Variants in KCNH8 observed in about 807,000 individuals in gnomAD.
KCNH8 encodes potassium voltage-gated channel subfamily H member 8, also known as voltage-gated delayed rectifier potassium channel KCNH8.
In KCNH8, 70 loss-of-function variants were observed where a neutral mutation model predicts 103.6. That is an observed-to-expected ratio of 0.68 (90% CI 0.56 to 0.82). The LOEUF is 0.82. Among genes scored for constraint, KCNH8 ranks in the 40% least tolerant of loss-of-function variants. The probability of loss-of-function intolerance (pLI) is 0.00; values close to 1 mark genes in which losing one functional copy is unlikely to be tolerated. For missense variants in KCNH8, 1,217 were observed against 1,329.9 expected (o/e 0.92, Z 1.32); for synonymous variants, 498 against 489.4 (o/e 1.02, Z -0.23).
chr3:19,485,124 G>GT (rs1167247857), intron 11 of KCNH8, among the ~76,000 whole-genome samples: 1 of 152,122 alleles, frequency 6.6e-6, no homozygotes, highest in Non-Finnish European at 1.5e-5. Flanking sequence ...TGCCTTTGCT[G>GT]TTTTCTGTAC....
chr3:19,406,269 C>T (rs981730443), intron 7 of KCNH8, among the ~76,000 whole-genome samples: 5 of 152,074 alleles, frequency 3.3e-5, no homozygotes, highest in African/African-American at 4.8e-5. Flanking sequence ...AAATCCCTCT[C>T]ATTTAATCCA....
intron 1 of KCNH8, among the ~76,000 whole-genome samples, chr3:19,219,432 T>C (rs916604369): frequency 1.3e-5 from 2 of 152,184 alleles, no homozygotes; most frequent in African/African-American, 4.8e-5. Context: ...TGTCTTTTTT[T>C]ATTCTGTTGT....
intron 2 of KCNH8, among the ~76,000 whole-genome samples, chr3:19,264,094 A>G (rs577605086): frequency 1.3e-5 from 2 of 152,162 alleles, no homozygotes; most frequent in East Asian, 1.9e-4. Flanking sequence ...TTGGCAAAAG[A>G]TTTTATGAAG....
At chr3:19,332,169 A>C (rs2065519659) in intron 3 of KCNH8, among the ~76,000 whole-genome samples, 1 of 152,026 alleles carries the variant, frequency 6.6e-6, no homozygotes, top group South Asian at 2.1e-4. Context: ...CCAGCCCAGC[A>C]ATAAACATTG....
intron 11 of KCNH8, among the ~76,000 whole-genome samples, chr3:19,499,481 A>G (rs968591609): frequency 1.2e-4 from 19 of 152,166 alleles, no homozygotes; most frequent in African/African-American, 3.9e-4. Context: ...TCCAAGACAC[A>G]TAATTGTCAG....
chr3:19,496,201 T>C (rs1472017245), intron 11 of KCNH8, among the ~76,000 whole-genome samples: 2 of 152,004 alleles, frequency 1.3e-5, no homozygotes, highest in African/African-American at 4.8e-5. Flanking sequence ...TCTCTTGCCT[T>C]AGTACCCTGG....
At position 19,488,147 on chromosome 3, in the gene KCNH8, G is replaced by C. The variant is rs376895364; in HGVS notation, c.2041-22216G>C. Among the ~76,000 whole-genome samples the C allele has an allele frequency of 2.4e-4, 36 of 152,088 alleles. 1 individual carries two copies. The highest frequency in any genetic ancestry group is 1.3e-3 in the East Asian group (7 of 5,186). Reference sequence around the variant, plus strand: ...ATCTTTATCTAAGGTCTTTTGTTCTGAATCACCTTGTTTTTCCTTCAGTTG... The same window carrying C: ...ATCTTTATCTAAGGTCTTTTGTTCTCAATCACCTTGTTTTTCCTTCAGTTG... On this transcript the variant is annotated intron_variant, in intron 11 of 15. Coordinates refer to ENST00000328405, the MANE Select transcript of KCNH8 (RefSeq NM_144633.3).
At chr3:19,363,122 T>G (rs1005396984) in intron 5 of KCNH8, among the ~76,000 whole-genome samples, 1 of 152,090 alleles carries the variant, frequency 6.6e-6, no homozygotes, top group Non-Finnish European at 1.5e-5. Context: ...AGCGGAGGCT[T>G]TTTCAGGTAC....
chr3:19,352,378 C>T (rs531827461), intron 5 of KCNH8, among the ~76,000 whole-genome samples: 21 of 152,160 alleles, frequency 1.4e-4, no homozygotes, highest in Admixed American at 5.9e-4. Flanking sequence ...CTGCACCAAG[C>T]GGACCTAATA....
chr3:19,299,529 T>G (rs1050556282), intron 3 of KCNH8, among the ~76,000 whole-genome samples: 1 of 152,228 alleles, frequency 6.6e-6, no homozygotes, highest in Non-Finnish European at 1.5e-5. Context: ...CAAGGAAATA[T>G]AATTTTCATT....
At chr3:19,246,533 C>T (rs1258316455) in intron 1 of KCNH8, among the ~76,000 whole-genome samples, 1 of 151,876 alleles carries the variant, frequency 6.6e-6, no homozygotes, top group Non-Finnish European at 1.5e-5. Context: ...ACTCGGCCTC[C>T]CAAAGTGCTG....
intron 5 of KCNH8, among the ~76,000 whole-genome samples, chr3:19,383,263 G>T (rs1010045342): frequency 3.3e-5 from 5 of 152,220 alleles, no homozygotes; most frequent in South Asian, 4.1e-4. Context: ...AATTATAAGA[G>T]ATATTATTTA....
At position 19,341,988 on chromosome 3, in the gene KCNH8, G is replaced by C. The variant is rs534656669; in HGVS notation, c.443-599G>C. On this transcript the variant is annotated intron_variant, in intron 3 of 15. Transcript: ENST00000328405. ...TTGCAGGATTGGCCACACAGATTTT[G>C]ACAAAAAATCTTAGATAAATCTGAA... 2.2e-3 allele frequency among the ~76,000 whole-genome samples: 327 copies of C among 152,042 alleles called. 3 individuals carry two copies. Among genetic ancestry groups the C allele is most frequent in the African/African-American group, 7.4e-3 (306 of 41,482 alleles).
chr3:19,168,319 G>A lies in KCNH8; in HGVS notation c.76+19524G>A, dbSNP rs143761712. On this transcript the variant is annotated intron_variant, in intron 1 of 15. Transcript: ENST00000328405. ...TGGGATTACAGGTGTGAGCCACCGC[G>A]CCCGGCCCTCTGTTCCCCACTTCTA... 1.7e-3 allele frequency among the ~76,000 whole-genome samples: 265 copies of A among 152,056 alleles called. 1 individual carries two copies. Among genetic ancestry groups the A allele is most frequent in the African/African-American group, 4.7e-3 (193 of 41,476 alleles).
intron 11 of KCNH8, among the ~76,000 whole-genome samples, chr3:19,484,857 A>C (rs2068171136): frequency 6.6e-6 from 1 of 151,880 alleles, no homozygotes; most frequent in Non-Finnish European, 1.5e-5. Context: ...AATTTCACCT[A>C]ACTCTCGGGG....
At chr3:19,417,164 CTAATA>C (rs1213291238) in intron 7 of KCNH8, among the ~76,000 whole-genome samples, 2 of 147,628 alleles carry the variant, frequency 1.4e-5, no homozygotes, top group Admixed American at 1.4e-4. Context: ...TATATATAAT[CTAATA>C]TATATTAAAT....
chr3:19,356,536 A>C (rs2125326290), intron 5 of KCNH8, among the ~76,000 whole-genome samples: 1 of 152,180 alleles, frequency 6.6e-6, no homozygotes, highest in Middle Eastern at 3.4e-3. Context: ...ACATGGTGCA[A>C]GGTTGCCTGT....
In KCNH8 at chr3:19,534,820, A is replaced by G. The variant is rs1231224637; in HGVS notation, c.*721A>G. ...AATGCACTACTGTTGTGTATAGTAG[A>G]TCAAAAATTATTTATTACTAAGAGG... On this transcript the variant is annotated 3_prime_UTR_variant, in exon 16 of 16. Coordinates refer to ENST00000328405, the MANE Select transcript of KCNH8 (RefSeq NM_144633.3). 1.3e-5 allele frequency: 2 copies of G among 152,464 alleles called. No homozygotes were observed. Among genetic ancestry groups the G allele is most frequent in the East Asian group, 1.9e-4 (1 of 5,184 alleles). 9.4% of individuals were successfully genotyped at this position (152,464 alleles called of 1,614,324 possible). A position where few individuals can be genotyped will look rare whatever the true frequency, so the allele number is the denominator to read the frequency against.
intron 3 of KCNH8, among the ~76,000 whole-genome samples, chr3:19,290,448 T>C (rs1465912499): frequency 6.6e-6 from 1 of 152,250 alleles, no homozygotes; most frequent in Non-Finnish European, 1.5e-5. Context: ...TGAAAGTTTT[T>C]ATCATGAAGA....
Sources: allele counts gnomAD v4.1 joint callset (sites outside exome capture counted in the v4.1 genomes callset), GRCh38; gene constraint gnomAD v4.1.1; transcripts MANE v1.5; gene names NCBI Gene and HGNC (gene_info 2026-07-23, HGNC 2026-07-21).